ZNF804B: variants seen among roughly 807,000 people sequenced by gnomAD.
The protein encoded by ZNF804B is zinc finger 804B.
In ZNF804B, 80 loss-of-function variants were observed where a neutral mutation model predicts 101.4. The ratio of observed to expected loss-of-function variants is 0.79; its 90% CI spans 0.66 to 0.95. ZNF804B has a LOEUF of 0.95. Among genes scored for constraint, ZNF804B ranks in the 40% least tolerant of loss-of-function variants. The pLI is 0.00. For missense variants in ZNF804B, 1,673 were observed against 1,561.9 expected (o/e 1.07, Z -1.20); for synonymous variants, 622 against 558.8 (o/e 1.11, Z -1.59).
chr7:88,777,279 C>T (rs1214533951), intron 1 of ZNF804B, among the ~76,000 whole-genome samples: 2 of 152,156 alleles, frequency 1.3e-5, no homozygotes, highest in African/African-American at 2.4e-5. Flanking sequence ...AACTCATGAG[C>T]GCTAAGATGC....
intron 1 of ZNF804B, among the ~76,000 whole-genome samples, chr7:88,841,922 A>C (rs1030705317): frequency 6.6e-6 from 1 of 152,224 alleles, no homozygotes. Flanking sequence ...CGTGTAATAC[A>C]GAATTTATCA....
At chr7:88,904,565 G>T (rs901820289) in intron 1 of ZNF804B, among the ~76,000 whole-genome samples, 1 of 152,012 alleles carries the variant, frequency 6.6e-6, no homozygotes, top group Non-Finnish European at 1.5e-5. Flanking sequence ...TAATTATATT[G>T]ATTCTTCCAA....
intron 1 of ZNF804B, among the ~76,000 whole-genome samples, chr7:88,872,767 A>G (rs1471571875): frequency 6.7e-6 from 1 of 149,614 alleles, no homozygotes; most frequent in Non-Finnish European, 1.5e-5. Flanking sequence ...ATGATTTCCA[A>G]TTTCATCCAT....
chr7:89,264,643 G>A (rs941139632), intron 2 of ZNF804B, among the ~76,000 whole-genome samples: 1 of 152,088 alleles, frequency 6.6e-6, no homozygotes, highest in African/African-American at 2.4e-5. Flanking sequence ...TATAATCCAA[G>A]GTTCTGCCTT....
intron 1 of ZNF804B, among the ~76,000 whole-genome samples, chr7:89,195,793 C>T (rs982406577): frequency 3.3e-5 from 5 of 151,614 alleles, no homozygotes; most frequent in African/African-American, 1.2e-4. Context: ...GAAAGAACTC[C>T]CATTCACAAT....
intron 2 of ZNF804B, among the ~76,000 whole-genome samples, chr7:89,235,935 TAAAC>T (rs910058001): frequency 4.6e-5 from 7 of 152,156 alleles, no homozygotes; most frequent in Non-Finnish European, 1.0e-4. Flanking sequence ...AAGAAAATTT[TAAAC>T]AAATTTTGTA....
chr7:89,064,125 T>A (rs760618779), intron 1 of ZNF804B, among the ~76,000 whole-genome samples: 10 of 152,078 alleles, frequency 6.6e-5, no homozygotes, highest in Admixed American at 2.0e-4. Flanking sequence ...CACTGCAGCA[T>A]TGGCAGACCC....
chr7:89,014,537 T>C (rs1289955505), intron 1 of ZNF804B, among the ~76,000 whole-genome samples: 2 of 152,148 alleles, frequency 1.3e-5, no homozygotes, highest in Non-Finnish European at 2.9e-5. Context: ...AGAATGGTTT[T>C]GATCTCCTGA....
chr7:89,162,328 G>T (rs1225581675), intron 1 of ZNF804B, among the ~76,000 whole-genome samples: 1 of 152,088 alleles, frequency 6.6e-6, no homozygotes, highest in Non-Finnish European at 1.5e-5. Flanking sequence ...GATTGAAAAT[G>T]ACTATGAAGA....
chr7:89,188,886 A>T (rs1788414555), intron 1 of ZNF804B, among the ~76,000 whole-genome samples: 1 of 152,164 alleles, frequency 6.6e-6, no homozygotes, highest in Non-Finnish European at 1.5e-5. Flanking sequence ...CCATCTCTAT[A>T]ACATTAAAGT....
chr7:89,171,337 CTTCTTCTTCTTCT>C (rs1791226739), intron 1 of ZNF804B, among the ~76,000 whole-genome samples: 3 of 131,286 alleles, frequency 2.3e-5, no homozygotes, highest in African/African-American at 8.5e-5. Context: ...TCTTCTTCTT[CTTCTTCTTCTTCT>C]TCTTCTTCCT....
intron 2 of ZNF804B, among the ~76,000 whole-genome samples, chr7:89,218,642 A>T (rs906233020): frequency 2.6e-5 from 4 of 152,168 alleles, no homozygotes; most frequent in African/African-American, 9.6e-5. Flanking sequence ...ATGATTTTTA[A>T]TTCCCTCAGA....
chr7:88,905,767 T>C (rs1394888563), intron 1 of ZNF804B, among the ~76,000 whole-genome samples: 1 of 152,112 alleles, frequency 6.6e-6, no homozygotes, highest in African/African-American at 2.4e-5. Flanking sequence ...TATTGGATGC[T>C]GGCTTCATAG....
chr7:89,238,691 A>G (rs1429468027), intron 2 of ZNF804B, among the ~76,000 whole-genome samples: 1 of 151,022 alleles, frequency 6.6e-6, no homozygotes, highest in Non-Finnish European at 1.5e-5. Context: ...ATGCTGGTTT[A>G]GATTTGTGTT....
intron 1 of ZNF804B, among the ~76,000 whole-genome samples, chr7:89,097,326 T>C (rs1336927586): frequency 1.3e-5 from 2 of 152,198 alleles, no homozygotes; most frequent in Non-Finnish European, 2.9e-5. Context: ...TGGATGTTTG[T>C]AATATACATA....
intron 1 of ZNF804B, among the ~76,000 whole-genome samples, chr7:88,854,030 G>T (rs73705559): frequency 6.6e-6 from 1 of 151,962 alleles, no homozygotes; most frequent in East Asian, 1.9e-4. Context: ...TTTTTACTGC[G>T]TTTTTCAACT....
intron 1 of ZNF804B, among the ~76,000 whole-genome samples, chr7:88,970,849 A>G (rs942470086): frequency 4.6e-5 from 7 of 150,698 alleles, no homozygotes; most frequent in Non-Finnish European, 1.0e-4. Context: ...GGATAGCATT[A>G]GGAGGTATAC....
intron 2 of ZNF804B, among the ~76,000 whole-genome samples, chr7:89,232,832 CT>C (rs1789214068): frequency 6.6e-6 from 1 of 152,006 alleles, no homozygotes; most frequent in Non-Finnish European, 1.5e-5. Flanking sequence ...CATTTATTTT[CT>C]TTTTAAAAAT....
rs547790284 is a variant in ZNF804B, at chr7:89,210,073, G to A, written c.109-8082G>A. 4.6e-5 allele frequency among the ~76,000 whole-genome samples: 7 copies of A among 151,842 alleles called. No individual in the cohort carries two copies. The East Asian group carries it at 7.8e-4, about 17-fold the overall frequency. ...CTGAGGCAGGAGAATCGCTTGAACC[G>A]GGAAGCAGAGGTTTTAGTGAGCTGA... On this transcript the variant is annotated intron_variant, in intron 1 of 3. Transcript: ENST00000333190.
Sources: gnomAD v4.1 joint callset for allele counts (sites outside exome capture counted in the v4.1 genomes callset) on GRCh38, gnomAD v4.1.1 for gene constraint, MANE v1.5 for transcripts, NCBI Gene and HGNC (gene_info 2026-07-23, HGNC 2026-07-21) for gene names.